The following ROS1 variants were observed in gnomAD, a reference collection of about 807,000 sequenced individuals.
The protein encoded by ROS1 is proto-oncogene tyrosine-protein kinase ROS.
In ROS1, 263 loss-of-function variants were observed where a neutral mutation model predicts 273.5. The ratio of observed to expected loss-of-function variants is 0.96; its 90% CI spans 0.87 to 1.06. The LOEUF is 1.06. Among genes scored for constraint, ROS1 ranks in the 50% least tolerant of loss-of-function variants. The pLI is 0.00. For synonymous variants in ROS1, 1,008 were observed against 954.1 expected (o/e 1.06, Z -1.04); for missense variants, 2,833 against 2,751.1 (o/e 1.03, Z -0.67).
chr6:117,416,220 AACATC>A (rs752304384), intron 3 of ROS1, 33 bp downstream of exon 3: 7 of 1,212,598 alleles, frequency 5.8e-6, no homozygotes, highest in Non-Finnish European at 8.6e-6. Flanking sequence ...TCTTGAAAGA[AACATC>A]AGTATCAAAA....
chr6:117,361,656 G>A (rs1035486392), intron 22 of ROS1, among the ~76,000 whole-genome samples: 10 of 150,882 alleles, frequency 6.6e-5, no homozygotes, highest in Admixed American at 1.3e-4. Flanking sequence ...AAATAGGAAC[G>A]TGTACTATCT....
intron 29 of ROS1, 107 bp downstream of exon 29, chr6:117,342,293 T>C: frequency 9.1e-7 from 1 of 1,102,808 alleles, no homozygotes; most frequent in Non-Finnish European, 1.3e-6. Flanking sequence ...TTAAAAAAGC[T>C]TACTAAAATT....
rs1562237895 is a variant in ROS1, at chr6:117,288,293, T to C, written c.*199A>G. ...CTTAGTGTTCATCTCATAATTCTAC[T>C]GAAAGTCAGGCAGCTGGTATGGGGA... On this transcript the variant is annotated 3_prime_UTR_variant, in exon 44 of 44. Transcript: ENST00000368507. The C allele has an allele frequency of 5.1e-6, 3 of 586,138 alleles. No individual in the cohort carries two copies. Among genetic ancestry groups the C allele is most frequent in the Non-Finnish European group, 6.0e-6 (2 of 334,172 alleles). The allele number at this position is 586,138 out of a possible 1,614,324, so 36.3% of individuals were successfully genotyped here.
At chr6:117,354,684 T>C (rs961090660) in intron 26 of ROS1, among the ~76,000 whole-genome samples, 4 of 152,240 alleles carry the variant, frequency 2.6e-5, no homozygotes, top group Non-Finnish European at 4.4e-5. Flanking sequence ...AATTTTAGGA[T>C]TTTAATTACA....
Position 117,321,328 on chromosome 6 carries a change from T to G in ROS1, c.5690A>C (p.Asp1897Ala), listed in dbSNP as rs2128563494. ...ACCTCGCAGCTCAGCCAACTCTTTG[T>G]CTTCGTTTATAAGCACTGTCACCCC... The part of the protein sequence containing the change: ...KEGVTVLINE[D>A]KELAELRGLA... Residue 1897 changes from aspartate (D) to alanine (A), a missense_variant, in exon 36 of 44, where the codon GAC becomes GCC. Transcript: ENST00000368507. 6.2e-7 allele frequency: 1 copy of G among 1,613,796 alleles called. No homozygotes were observed. Among genetic ancestry groups the G allele is most frequent in the Non-Finnish European group, 8.5e-7 (1 of 1,179,834 alleles).
In ROS1 at chr6:117,287,718, T is replaced by C. The variant is rs6915535; in HGVS notation, c.*774A>G. ...AGGTGGATCCCGAGGTCAGGAGTTC[T>C]AGACCAGCCTGGCCAATATGGTGAA... is the stretch of plus-strand genomic sequence containing the variant. On this transcript the variant is annotated 3_prime_UTR_variant, in exon 44 of 44. Coordinates refer to ENST00000368507, the MANE Select transcript of ROS1 (RefSeq NM_001378902.1). Among the ~76,000 whole-genome samples, 3,234 of 152,132 alleles carry C rather than the reference T, an allele frequency of 0.021. 103 individuals are homozygous for C. The highest frequency in any genetic ancestry group is 0.074 in the African/African-American group (3,068 of 41,512).
intron 18 of ROS1, among the ~76,000 whole-genome samples, chr6:117,378,020 G>T (rs777024716): frequency 6.6e-5 from 10 of 152,154 alleles, no homozygotes; most frequent in Non-Finnish European, 1.3e-4. Flanking sequence ...AATAAAGATT[G>T]TCAAAGCCAA....
chr6:117,326,323 T>C lies in ROS1; in HGVS notation c.5440A>G (p.Lys1814Glu). Residue 1814 changes from lysine (K) to glutamate (E), a missense_variant, in exon 34 of 44, where the codon AAA becomes GAA. By Grantham distance (56) the Lys-to-Glu change is moderately conservative. Transcript: ENST00000368507. ...SCSSVCTWKS[K>E]NLKGIFQFRV... ...AACTGAAATATTCCTTTCAGGTTTT[T>C]GGACTTCCATGTGCAAACACTACTG... 1 of 1,603,904 alleles carries C rather than the reference T, an allele frequency of 6.2e-7. No individual in the cohort carries two copies. Among genetic ancestry groups the C allele is most frequent in the Non-Finnish European group, 8.5e-7 (1 of 1,176,430 alleles).
At position 117,423,464 on chromosome 6, in the gene ROS1, A is replaced by G. The variant is rs965505606; in HGVS notation, c.123+2070T>C. On this transcript the variant is annotated intron_variant, in intron 1 of 43. Coordinates refer to ENST00000368507, the MANE Select transcript of ROS1 (RefSeq NM_001378902.1). ...GTGAATTCTTTTTTCTTTATCATAA[A>G]GGATCTCACAATACTAGAGTTCTGA... 1.3e-4 allele frequency among the ~76,000 whole-genome samples: 20 copies of G among 152,224 alleles called. 1 individual carries two copies. The highest frequency in any genetic ancestry group is 1.3e-3 in the Admixed American group (20 of 15,272).
chr6:117,396,826 T>C, intron 8 of ROS1, 89 bp downstream of exon 8: 1 of 981,504 alleles, frequency 1.0e-6, no homozygotes, highest in Middle Eastern at 2.6e-4. Context: ...CAAAGCACAT[T>C]TAAACTATTT....
intron 11 of ROS1, 110 bp downstream of exon 11, chr6:117,394,052 A>G: frequency 1.6e-6 from 1 of 630,942 alleles, no homozygotes; most frequent in Non-Finnish European, 2.5e-6. Context: ...GGCATAGTAA[A>G]TACTTGAGTA....
At chr6:117,332,992 T>C (rs1209406699) in intron 32 of ROS1, among the ~76,000 whole-genome samples, 2 of 149,252 alleles carry the variant, frequency 1.3e-5, no homozygotes, top group Admixed American at 6.7e-5. Context: ...ATAACTAAGA[T>C]CAGAGAAGAA....
chr6:117,355,902 C>T (rs1562307819), intron 26 of ROS1, among the ~76,000 whole-genome samples: 1 of 152,110 alleles, frequency 6.6e-6, no homozygotes, highest in Non-Finnish European at 1.5e-5. Flanking sequence ...TGAGCCACTG[C>T]ACCTGGCCTT....
intron 12 of ROS1, 27 bp downstream of exon 12, chr6:117,393,197 A>G (rs1773205228): frequency 7.9e-7 from 1 of 1,265,402 alleles, no homozygotes; most frequent in South Asian, 1.2e-5. Context: ...ATGGAAGAGA[A>G]TTCATCTTTA....
chr6:117,309,057 A>T (rs1406334247), intron 41 of ROS1, 129 bp from the exon 42 acceptor site: 2 of 780,410 alleles, frequency 2.6e-6, no homozygotes, highest in Non-Finnish European at 4.0e-6. Context: ...GCCTCATAAA[A>T]GGCAAACGGC....
intron 18 of ROS1, among the ~76,000 whole-genome samples, chr6:117,373,680 G>A (rs1403128283): frequency 2.0e-5 from 3 of 152,144 alleles, no homozygotes; most frequent in African/African-American, 7.2e-5. Context: ...CCACACCTCC[G>A]CACAAGCAGA....
chr6:117,353,569 C>T (rs1394877113), intron 26 of ROS1, among the ~76,000 whole-genome samples: 2 of 152,134 alleles, frequency 1.3e-5, no homozygotes, highest in Non-Finnish European at 2.9e-5. Context: ...ATATTTTTAT[C>T]AGTGGTTTGG....
At chr6:117,370,624 A>G (rs1041224430) in intron 18 of ROS1, among the ~76,000 whole-genome samples, 2 of 152,074 alleles carry the variant, frequency 1.3e-5, no homozygotes, top group African/African-American at 4.8e-5. Context: ...AAGAACACTA[A>G]GAGTAGGATG....
At chr6:117,359,263 T>G (rs1024371488) in intron 24 of ROS1, among the ~76,000 whole-genome samples, 1 of 152,214 alleles carries the variant, frequency 6.6e-6, no homozygotes, top group Non-Finnish European at 1.5e-5. Flanking sequence ...ACAGTTATCC[T>G]AGTCTGTCTT....
Sources: allele counts gnomAD v4.1 joint callset (sites outside exome capture counted in the v4.1 genomes callset), GRCh38; gene constraint gnomAD v4.1.1; transcripts MANE v1.5; gene names NCBI Gene and HGNC (gene_info 2026-07-23, HGNC 2026-07-21).